Variants in JAKMIP1 observed in about 807,000 individuals in gnomAD.
JAKMIP1 encodes janus kinase and microtubule-interacting protein 1.
Under a neutral mutation model 113.0 loss-of-function variants are expected in JAKMIP1, and 33 were observed. That is an observed-to-expected ratio of 0.29 (90% CI 0.22 to 0.39). The LOEUF (loss-of-function observed/expected upper bound fraction) is 0.39. Ranked by LOEUF, JAKMIP1 falls within the 10% of genes least tolerant of loss-of-function variation. The pLI is 1.00. For synonymous variants in JAKMIP1, 480 were observed against 459.9 expected (o/e 1.04, Z -0.56); for missense variants, 813 against 1,080.5 (o/e 0.75, Z 3.47).
chr4:6,104,932 G>T (rs528047603), intron 3 of JAKMIP1, among the ~76,000 whole-genome samples: 1 of 152,258 alleles, frequency 6.6e-6, no homozygotes, highest in South Asian at 2.1e-4. Context: ...TCCTCAGCCC[G>T]CACCCAGAAT....
Position 6,180,423 on chromosome 4 carries a change from G to C in JAKMIP1, c.-148+19830C>G, listed in dbSNP as rs1351749711. ...AAATCTTATCAGCTGCTGAACAGGA[G>C]AGAAACTTGGAGGTGAGGATAGGCA... is the stretch of plus-strand genomic sequence containing the variant. On this transcript the variant is annotated intron_variant, in intron 1 of 20. Coordinates refer to ENST00000409021, the MANE Select transcript of JAKMIP1 (RefSeq NM_001099433.2). The surrounding 1 kb of genome is among the most constrained non-coding windows in gnomAD (Gnocchi z 4.5). Among the ~76,000 whole-genome samples, 1 of 152,158 alleles carries C rather than the reference G, an allele frequency of 6.6e-6. No homozygotes were observed. The highest frequency in any genetic ancestry group is 1.5e-5 in the Non-Finnish European group (1 of 68,038).
intron 1 of JAKMIP1, among the ~76,000 whole-genome samples, chr4:6,148,535 T>G (rs1409683567): frequency 2.0e-5 from 3 of 152,264 alleles, no homozygotes; most frequent in African/African-American, 7.2e-5. Flanking sequence ...CGCATCCTCC[T>G]TTTCAAGGTG....
In JAKMIP1 at chr4:6,186,236, TGAG is replaced by T. The variant is rs1726643607; in HGVS notation, c.-148+14014_-148+14016del. On this transcript the variant is annotated intron_variant, in intron 1 of 20. Transcript: ENST00000409021. The surrounding 1 kb of genome is among the most constrained non-coding windows in gnomAD (Gnocchi z 5.5). ...TCAGGCGGATGGGCAGGATGCAGAC[TGAG>T]GAGGCACAGCAGGGTGGGGAAGTCC... Among the ~76,000 whole-genome samples, 1 of 152,190 alleles carries T rather than the reference TGAG, an allele frequency of 6.6e-6. No homozygotes were observed. The highest frequency in any genetic ancestry group is 6.5e-5 in the Admixed American group (1 of 15,286).
chr4:6,121,653 C>A (rs76769569), intron 1 of JAKMIP1, among the ~76,000 whole-genome samples: 2 of 152,228 alleles, frequency 1.3e-5, no homozygotes, highest in Non-Finnish European at 2.9e-5. Context: ...AGTGAGCCCT[C>A]GGCACACGCC....
Position 6,124,402 on chromosome 4 carries a change from T to G in JAKMIP1, c.-147-11405A>C, listed in dbSNP as rs547620630. 3.3e-5 allele frequency among the ~76,000 whole-genome samples: 5 copies of G among 152,254 alleles called. 1 individual carries two copies. The East Asian group carries it at 9.7e-4, about 29-fold the overall frequency. On this transcript the variant is annotated intron_variant, in intron 1 of 20. Coordinates refer to ENST00000409021, the MANE Select transcript of JAKMIP1 (RefSeq NM_001099433.2). The stretch of plus-strand genomic sequence containing the variant: ...AATTCCACGCTTAAGTGTGGCGGCT[T>G]AATCCACAAATGGGCCTCAGGCTTC...
upstream of JAKMIP1, chr4:6,200,549 TG>T (rs1271445407): frequency 6.7e-6 from 1 of 149,032 alleles, no homozygotes; most frequent in African/African-American, 2.5e-5. The surrounding 1 kb of genome is among the most constrained non-coding windows in gnomAD (Gnocchi z 7.0). Context: ...CGCGGGTGGC[TG>T]CAGCTCCCTC....
rs528257227 is a variant in JAKMIP1, at chr4:6,197,501, T to A, written c.-148+2752A>T. Among the ~76,000 whole-genome samples the A allele has an allele frequency of 3.8e-4, 58 of 152,274 alleles. No individual in the cohort carries two copies. The highest frequency in any genetic ancestry group is 1.3e-3 in the African/African-American group (56 of 41,548). ...AAAGAGATGCCACTGCCCCCTTTTA[T>A]ACAGGAAATGGAGGCTCAGAGAGGT... On this transcript the variant is annotated intron_variant, in intron 1 of 20. Coordinates refer to ENST00000409021, the MANE Select transcript of JAKMIP1 (RefSeq NM_001099433.2). The surrounding 1 kb of genome is among the most constrained non-coding windows in gnomAD (Gnocchi z 6.5).
intron 8 of JAKMIP1, among the ~76,000 whole-genome samples, chr4:6,078,242 G>A (rs1265618326): frequency 6.6e-6 from 1 of 151,740 alleles, no homozygotes; most frequent in Non-Finnish European, 1.5e-5. Context: ...TTAAACCTGG[G>A]TGGTGGAGTT....
intron 3 of JAKMIP1, among the ~76,000 whole-genome samples, chr4:6,102,583 C>A (rs1217587633): frequency 1.3e-5 from 2 of 152,072 alleles, no homozygotes. Context: ...AAAAAAATTT[C>A]TATTATATAT....
At chr4:6,117,264 C>A (rs1715929036) in intron 1 of JAKMIP1, among the ~76,000 whole-genome samples, 1 of 152,194 alleles carries the variant, frequency 6.6e-6, no homozygotes, top group Non-Finnish European at 1.5e-5. Context: ...TAAGCGTCGA[C>A]TGGCTTGAGA....
chr4:6,040,865 C>A lies in JAKMIP1; in HGVS notation c.2098-149G>T, dbSNP rs780335611. On this transcript the variant is annotated intron_variant, in intron 17 of 20. Transcript: ENST00000409021. The surrounding 1 kb of genome is among the most constrained non-coding windows in gnomAD (Gnocchi z 5.8). ...TGGTGGTCTTCCCCGTTTGCCCCCA[C>A]ATGAATCACCCAGCAGGAGCCTCAC... 6.2e-4 allele frequency: 412 copies of A among 669,742 alleles called. No homozygotes were observed. Among genetic ancestry groups the A allele is most frequent in the Non-Finnish European group, 9.9e-4 (371 of 373,594 alleles). 41.5% of individuals were successfully genotyped at this position (669,742 alleles called of 1,614,324 possible).
At position 6,078,484 on chromosome 4, in the gene JAKMIP1, C is replaced by G. The variant is rs150259139; in HGVS notation, c.1302+455G>C. On this transcript the variant is annotated intron_variant, in intron 8 of 20. Transcript: ENST00000409021. ...CCTGTGGGCATTTGAATTTTATAAG[C>G]CCAGCTCCTTCAGACACTGTTACTA... is the stretch of plus-strand genomic sequence containing the variant. Among the ~76,000 whole-genome samples the G allele has an allele frequency of 3.7e-3, 550 of 149,828 alleles. 7 individuals are homozygous for G. Among genetic ancestry groups the G allele is most frequent in the African/African-American group, 0.013 (530 of 40,648 alleles).
chr4:6,071,796 C>CA (rs1253576457), intron 8 of JAKMIP1, among the ~76,000 whole-genome samples: 1 of 152,170 alleles, frequency 6.6e-6, no homozygotes, highest in Non-Finnish European at 1.5e-5. Context: ...ACACAGCCCC[C>CA]GTCTCTTCAT....
chr4:6,165,844 C>T (rs555324022), intron 1 of JAKMIP1, among the ~76,000 whole-genome samples: 4 of 152,284 alleles, frequency 2.6e-5, no homozygotes, highest in South Asian at 4.1e-4. Context: ...TGTATTCTCT[C>T]GCAGTTCTGG....
At chr4:6,125,671 A>T (rs1429800515) in intron 1 of JAKMIP1, among the ~76,000 whole-genome samples, 15 of 141,286 alleles carry the variant, frequency 1.1e-4, no homozygotes, top group African/African-American at 3.2e-4. Context: ...CACACACACC[A>T]TACACACCAT....
In JAKMIP1 at chr4:6,185,400, C is replaced by A. The variant is rs560935714; in HGVS notation, c.-148+14853G>T. On this transcript the variant is annotated intron_variant, in intron 1 of 20. Transcript: ENST00000409021. The surrounding 1 kb of genome is among the most constrained non-coding windows in gnomAD (Gnocchi z 5.3). The stretch of plus-strand genomic sequence containing the variant: ...CGGTGGCTCACGCCTGTAATCCCAG[C>A]ACTTTGGGAGGCCGAGGTGGGCGGA... 5.3e-5 allele frequency among the ~76,000 whole-genome samples: 8 copies of A among 152,292 alleles called. No homozygotes were observed. The East Asian group carries it at 1.4e-3, about 26-fold the overall frequency.
rs919318690 is a variant in JAKMIP1, at chr4:6,071,453, C to T, written c.1303-6445G>A. ...CTGAAACTAGGCAGGAGGCCGGGCA[C>T]CTACAGACCCAGCCTCTGCAGCAGC... On this transcript the variant is annotated intron_variant, in intron 8 of 20. Coordinates refer to ENST00000409021, the MANE Select transcript of JAKMIP1 (RefSeq NM_001099433.2). Among the ~76,000 whole-genome samples the T allele has an allele frequency of 4.6e-5, 7 of 152,334 alleles. No homozygotes were observed. The East Asian group carries it at 1.4e-3, about 29-fold the overall frequency.
At chr4:6,144,496 C>A (rs547086142) in intron 1 of JAKMIP1, among the ~76,000 whole-genome samples, 1 of 152,262 alleles carries the variant, frequency 6.6e-6, no homozygotes, top group East Asian at 1.9e-4. Flanking sequence ...TACTAGAAAA[C>A]CAAATCCTGC....
chr4:6,058,125 A>T (rs28493325), intron 11 of JAKMIP1, among the ~76,000 whole-genome samples: 40,906 of 152,178 alleles, frequency 0.27, 8,065 homozygotes, highest in African/African-American at 0.56. Context: ...ACACAGGCTC[A>T]GCCTCAGACA....
Sources: allele counts gnomAD v4.1 joint callset (sites outside exome capture counted in the v4.1 genomes callset), GRCh38; gene constraint gnomAD v4.1.1; non-coding constraint Gnocchi (gnomAD v3.1); transcripts MANE v1.5; gene names NCBI Gene and HGNC (gene_info 2026-07-23, HGNC 2026-07-21).